Variants in ZNF26 observed in about 807,000 individuals in gnomAD.
ZNF26 encodes the protein zinc finger protein 26, also known as epididymis luminal protein 179.
ZNF26 carries 32 observed loss-of-function variants against 54.9 expected under a neutral mutation model. The ratio of observed to expected loss-of-function variants is 0.58; its 90% CI spans 0.44 to 0.78. ZNF26 has a LOEUF of 0.78. ZNF26 is among the 30% of genes least tolerant of loss of function. The probability of loss-of-function intolerance (pLI) is 0.00; values close to 1 mark genes in which losing one functional copy is unlikely to be tolerated. For synonymous variants in ZNF26, 221 were observed against 209.2 expected (o/e 1.06, Z -0.49); for missense variants, 524 against 634.0 (o/e 0.83, Z 1.86).
rs1469276619 is a variant in ZNF26 at position 133,010,927 on chromosome 12, G to A, written c.1048G>A (p.Ala350Thr). 6.2e-6 allele frequency: 10 copies of A among 1,614,038 alleles called. No homozygotes were observed. The highest frequency in any genetic ancestry group is 7.6e-6 in the Non-Finnish European group (9 of 1,180,046). The change falls in exon 4 of 4, where the codon GCC (alanine) becomes ACC (threonine). Residue 350 changes from alanine to threonine, a missense_variant. Physicochemically the swap from Ala to Thr is moderately conservative, Grantham distance 58. Coordinates refer to ENST00000328654, the MANE Select transcript of ZNF26 (RefSeq NM_019591.4). Reference sequence around the variant, plus strand: ...CTATCAATGCAGTGATTGTGGGAAAGCCTTCAATATGAAGACACAACTCAT... The same window carrying A: ...CTATCAATGCAGTGATTGTGGGAAAACCTTCAATATGAAGACACAACTCAT... ...KPYQCSDCGK[A>T]FNMKTQLIVH...
Position 133,021,100 on chromosome 12 carries a change from ATTT to A in ZNF26, c.*9627_*9629del, listed in dbSNP as rs1191395898. On this transcript the variant is annotated 3_prime_UTR_variant, in exon 4 of 4. Coordinates refer to ENST00000328654, the MANE Select transcript of ZNF26 (RefSeq NM_019591.4). The stretch of plus-strand genomic sequence containing the variant: ...TTATGCCTCCAACCTATGCTCATAC[ATTT>A]TTTTTTTCTTTTTCATTTTTTTTTT... 1 of 135,436 alleles carries A rather than the reference ATTT, an allele frequency of 7.4e-6. No homozygotes were observed. The highest frequency in any genetic ancestry group is 1.6e-5 in the Non-Finnish European group (1 of 64,496). The allele number at this position is 135,436 out of a possible 1,614,324, so 8.4% of individuals were successfully genotyped here.
At chr12:133,003,221 A>G (rs1953255422) in intron 1 of ZNF26, among the ~76,000 whole-genome samples, 1 of 150,438 alleles carries the variant, frequency 6.6e-6, no homozygotes, top group Admixed American at 6.6e-5. Context: ...ATTTATCAAA[A>G]TATCATATTG....
chr12:132,995,691 G>A (rs767941761), intron 1 of ZNF26, among the ~76,000 whole-genome samples: 5 of 151,986 alleles, frequency 3.3e-5, no homozygotes, highest in African/African-American at 7.2e-5. Flanking sequence ...TTGCTCTGTC[G>A]CCCAGGCTGG....
Position 133,024,172 on chromosome 12 carries a change from C to T in ZNF26, c.*12691C>T, listed in dbSNP as rs1451565404. The T allele has an allele frequency of 6.6e-6, 1 of 152,224 alleles. No individual in the cohort carries two copies. The highest frequency in any genetic ancestry group is 1.5e-5 in the Non-Finnish European group (1 of 68,054). 9.4% of individuals were successfully genotyped at this position (152,224 alleles called of 1,614,324 possible). ...GAAGTGGGGTTCTACTTACATGCAT[C>T]ACTGGCCTTGGCACTGGATGATGAG... On this transcript the variant is annotated 3_prime_UTR_variant, in exon 4 of 4. Transcript: ENST00000328654.
At position 133,025,589 on chromosome 12, in the gene ZNF26, G is replaced by A. The variant is rs1007908440; in HGVS notation, c.*14108G>A. ...TATATATTTCTCCCATGAGAGTTGAGGTCGACACCAGCTCCTTGAACCTGG... is the reference window on the plus strand; with the variant it reads ...TATATATTTCTCCCATGAGAGTTGAAGTCGACACCAGCTCCTTGAACCTGG... On this transcript the variant is annotated 3_prime_UTR_variant, in exon 4 of 4. Coordinates refer to ENST00000328654, the MANE Select transcript of ZNF26 (RefSeq NM_019591.4). The A allele has an allele frequency of 1.0e-3, 158 of 150,784 alleles. No individual in the cohort carries two copies. Among genetic ancestry groups the A allele is most frequent in the African/African-American group, 3.7e-3 (154 of 41,504 alleles). 9.3% of individuals were successfully genotyped at this position (150,784 alleles called of 1,614,324 possible). A position where few individuals can be genotyped will look rare whatever the true frequency, so the allele number is the denominator to read the frequency against.
intron 1 of ZNF26, among the ~76,000 whole-genome samples, chr12:132,996,892 TTTTTG>T (rs61558774): frequency 0.2 from 30,388 of 151,410 alleles, 3,838 homozygotes; most frequent in Non-Finnish European, 0.29. Context: ...TTCTCATGGT[TTTTTG>T]TTTTGTTTTG....
At chr12:133,008,768 T>C (rs7954860) in intron 3 of ZNF26, among the ~76,000 whole-genome samples, 66,772 of 127,534 alleles carry the variant, frequency 0.52, 17,376 homozygotes, top group East Asian at 0.77. Context: ...AGAGCGAGAC[T>C]CCATCTCAAA....
chr12:133,002,011 C>T (rs968480832), intron 1 of ZNF26, among the ~76,000 whole-genome samples: 13 of 152,254 alleles, frequency 8.5e-5, no homozygotes, highest in Non-Finnish European at 1.5e-4. Flanking sequence ...GATGGATACC[C>T]GCTTCCCTTT....
chr12:132,998,225 G>A (rs1953134014), intron 1 of ZNF26, among the ~76,000 whole-genome samples: 2 of 151,246 alleles, frequency 1.3e-5, no homozygotes, highest in Non-Finnish European at 1.5e-5. Context: ...GGAGTGCAGT[G>A]GTGTGATCTT....
At chr12:133,008,793 A>AG (rs1953400115) in intron 3 of ZNF26, among the ~76,000 whole-genome samples, 1 of 151,740 alleles carries the variant, frequency 6.6e-6, no homozygotes, top group African/African-American at 2.4e-5. Context: ...AAAAAAAAAA[A>AG]AAGAAAAACA....
intron 1 of ZNF26, among the ~76,000 whole-genome samples, chr12:132,989,755 G>GT (rs769264180): frequency 1.3e-4 from 20 of 152,226 alleles, no homozygotes; most frequent in South Asian, 4.1e-4. Flanking sequence ...TTCTGTTCTT[G>GT]TTTTTTTGCC....
chr12:132,986,906 C>T, intron 1 of ZNF26, 33 bp downstream of exon 1: 1 of 1,591,616 alleles, frequency 6.3e-7, no homozygotes, highest in Admixed American at 1.8e-5. Flanking sequence ...TAAAATTCGA[C>T]TGGATACTGA....
intron 1 of ZNF26, among the ~76,000 whole-genome samples, chr12:133,003,774 C>T (rs1276236316): frequency 2.6e-5 from 4 of 152,110 alleles, no homozygotes; most frequent in Non-Finnish European, 5.9e-5. Flanking sequence ...ATAGAAAAGC[C>T]ATCTAGCATA....
At chr12:132,987,561 T>A in intron 1 of ZNF26, 1 of 255,106 alleles carries the variant, frequency 3.9e-6, no homozygotes, top group Non-Finnish European at 6.2e-6. Flanking sequence ...CCGGATGTGG[T>A]GCTCTACCAT....
In ZNF26 at chr12:133,023,929, T is replaced by G. The variant is rs7972656; in HGVS notation, c.*12448T>G. The G allele has an allele frequency of 0.92, 140,097 of 152,286 alleles. 64,779 individuals carry two copies. Among genetic ancestry groups the G allele is most frequent in the East Asian group, 1 (5,173 of 5,180 alleles). 9.4% of individuals were successfully genotyped at this position (152,286 alleles called of 1,614,324 possible). A position where few individuals can be genotyped will look rare whatever the true frequency, so the allele number is the denominator to read the frequency against. ...AAACCACATAGAGAGGCTCTGAGAT[T>G]ACATAAAGAGATGCTTGTTCAGCCC... On this transcript the variant is annotated 3_prime_UTR_variant, in exon 4 of 4. Transcript: ENST00000328654.
chr12:132,989,520 G>A (rs1319431165), intron 1 of ZNF26, among the ~76,000 whole-genome samples: 1 of 152,134 alleles, frequency 6.6e-6, no homozygotes, highest in African/African-American at 2.4e-5. Context: ...AGATATCTTG[G>A]GGATGGGACC....
intron 1 of ZNF26, among the ~76,000 whole-genome samples, chr12:132,990,134 A>C (rs1426377935): frequency 1.3e-5 from 2 of 152,092 alleles, no homozygotes; most frequent in African/African-American, 2.4e-5. Flanking sequence ...AAATTAAAAA[A>C]CAAAATAGCT....
In ZNF26 at chr12:132,998,086, G is replaced by T. The variant is rs965388215; in HGVS notation, c.34-8956G>T. The stretch of plus-strand genomic sequence containing the variant: ...TTTTGATCTCATTATACTTGGCCTG[G>T]TTATTTGCATAAAGAATAGCAAGAA... On this transcript the variant is annotated intron_variant, in intron 1 of 3. Coordinates refer to ENST00000328654, the MANE Select transcript of ZNF26 (RefSeq NM_019591.4). Among the ~76,000 whole-genome samples the T allele has an allele frequency of 3.3e-5, 5 of 151,344 alleles. No individual in the cohort carries two copies. In the South Asian group the frequency reaches 8.4e-4, roughly 25 times the overall value.
In ZNF26 at chr12:133,012,012, C is replaced by A. The variant is rs1022707600; in HGVS notation, c.*531C>A. On this transcript the variant is annotated 3_prime_UTR_variant, in exon 4 of 4. Transcript: ENST00000328654. ...AATAGTATTTCTAAAATTTTTTGTA[C>A]TTTATTTTTTAATGTAACTTGTTCT... 3.9e-5 allele frequency: 6 copies of A among 151,962 alleles called. No homozygotes were observed. Among genetic ancestry groups the A allele is most frequent in the Non-Finnish European group, 8.8e-5 (6 of 68,006 alleles). 9.4% of individuals were successfully genotyped at this position (151,962 alleles called of 1,614,324 possible).
Sources: gnomAD v4.1 joint callset for allele counts (sites outside exome capture counted in the v4.1 genomes callset) on GRCh38, gnomAD v4.1.1 for gene constraint, MANE v1.5 for transcripts, NCBI Gene and HGNC (gene_info 2026-07-23, HGNC 2026-07-21) for gene names.